RUVBL1: variants seen among roughly 807,000 people sequenced by gnomAD.
RUVBL1 encodes the protein ruvB-like 1.
In RUVBL1, 4 loss-of-function variants were observed where a neutral mutation model predicts 52.4. The observed-to-expected ratio is 0.08, with a 90% CI of 0.04 to 0.17. The LOEUF is 0.17. Among genes scored for constraint, RUVBL1 ranks in the 10% least tolerant of loss-of-function variants. RUVBL1 has a pLI of 1.00. For missense variants in RUVBL1, 298 were observed against 572.8 expected (o/e 0.52, Z 4.90); for synonymous variants, 217 against 214.4 (o/e 1.01, Z -0.10).
At chr3:128,149,759 A>G (rs1944158601) in intron 1 of RUVBL1, among the ~76,000 whole-genome samples, 1 of 152,168 alleles carries the variant, frequency 6.6e-6, no homozygotes, top group Non-Finnish European at 1.5e-5. Flanking sequence ...ACACAACCAG[A>G]GCCCACACAA....
At chr3:128,141,963 T>G (rs1451181025) in intron 1 of RUVBL1, 2 of 152,252 alleles carry the variant, frequency 1.3e-5, no homozygotes, top group Non-Finnish European at 2.9e-5. Context: ...GTATATGTGC[T>G]GCTGAAGAGA....
exon 1 of RUVBL1, chr3:128,153,690 C>T: frequency 6.3e-7 from 1 of 1,590,634 alleles, no homozygotes; most frequent in Non-Finnish European, 8.5e-7. Context: ...TGCCGCTGCC[C>T]GCGCGCCTGC....
At chr3:128,152,177 T>A (rs914366881) in intron 1 of RUVBL1, among the ~76,000 whole-genome samples, 1 of 152,194 alleles carries the variant, frequency 6.6e-6, no homozygotes, top group Non-Finnish European at 1.5e-5. Context: ...GCTGACAACC[T>A]TTTTTGTGGT....
chr3:128,130,620 TTTATTTATGTATTTA>T (rs1559833177), intron 1 of RUVBL1, among the ~76,000 whole-genome samples: 8 of 61,510 alleles, frequency 1.3e-4, no homozygotes, highest in African/African-American at 5.0e-4. Context: ...AAAAATTTTA[TTTATTTATGTATTTA>T]TTTATTTATT....
At chr3:128,074,623 A>C (rs1942254383) in intron 9 of RUVBL1, among the ~76,000 whole-genome samples, 1 of 152,126 alleles carries the variant, frequency 6.6e-6, no homozygotes, top group Non-Finnish European at 1.5e-5. Context: ...CAGGTGGATC[A>C]CCTGAGGTCA....
chr3:128,066,843 A>G lies in RUVBL1; in HGVS notation c.940-1623T>C, dbSNP rs1481931989. The G allele has an allele frequency of 5.0e-6, 5 of 1,005,070 alleles. No homozygotes were observed. In the African/African-American group the frequency reaches 8.0e-5, roughly 16 times the overall value. 62.3% of individuals were successfully genotyped at this position (1,005,070 alleles called of 1,614,324 possible). ...GAACTGGGAGCCCCAGAACCAGCAC[A>G]CAGGATTTCCTCCCTTGTGGCCCAC... On this transcript the variant is annotated intron_variant, in intron 9 of 9. Coordinates refer to the RUVBL1 transcript ENST00000464873.
Position 128,080,905 on chromosome 3 carries a change from T to A in RUVBL1, c.*345A>T, listed in dbSNP as rs1576438232. 1 of 218,820 alleles carries A rather than the reference T, an allele frequency of 4.6e-6. No homozygotes were observed. The allele number at this position is 218,820 out of a possible 1,614,324, so 13.6% of individuals were successfully genotyped here. A position where few individuals can be genotyped will look rare whatever the true frequency, so the allele number is the denominator to read the frequency against. ...CACGTTAACAAGAAGGGAAACTGGG[T>A]ACAAGATACATGGGAACTCCCTATT... On this transcript the variant is annotated 3_prime_UTR_variant, in exon 11 of 11. Coordinates refer to ENST00000322623, the MANE Select transcript of RUVBL1 (RefSeq NM_003707.3).
At chr3:128,148,357 G>C (rs1357558796) in intron 1 of RUVBL1, among the ~76,000 whole-genome samples, 1 of 152,318 alleles carries the variant, frequency 6.6e-6, no homozygotes, top group East Asian at 1.9e-4. Flanking sequence ...TGGATGTGGT[G>C]TATGAAAGAA....
chr3:128,145,403 TAA>T (rs1435794668), intron 1 of RUVBL1, among the ~76,000 whole-genome samples: 1 of 152,196 alleles, frequency 6.6e-6, no homozygotes, highest in Non-Finnish European at 1.5e-5. Context: ...CTTTTTTGCT[TAA>T]GTCAGTTTCA....
chr3:128,084,133 C>T (rs1942565064), intron 9 of RUVBL1: 1 of 152,372 alleles, frequency 6.6e-6, no homozygotes, highest in African/African-American at 2.4e-5. Context: ...GCAACTTGTT[C>T]AAACATTTCA....
chr3:128,069,359 A>G (rs1158766601), intron 9 of RUVBL1: 2 of 948,804 alleles, frequency 2.1e-6, no homozygotes, highest in Non-Finnish European at 3.2e-6. Flanking sequence ...ACTTTCTAGG[A>G]GACAGCAGAG....
chr3:128,074,787 A>C (rs1376640194), intron 9 of RUVBL1, among the ~76,000 whole-genome samples: 4 of 147,664 alleles, frequency 2.7e-5, no homozygotes, highest in Non-Finnish European at 6.0e-5. Flanking sequence ...GGTTGCAGTA[A>C]GCTGAGATGG....
exon 1 of RUVBL1, chr3:128,153,605 C>T: frequency 1.9e-6 from 3 of 1,594,012 alleles, no homozygotes; most frequent in Non-Finnish European, 1.7e-6. Flanking sequence ...ACAGCCTCCA[C>T]CGCCGCCTTT....
intron 1 of RUVBL1, among the ~76,000 whole-genome samples, chr3:128,146,036 G>C (rs1944098746): frequency 6.6e-6 from 1 of 152,144 alleles, no homozygotes; most frequent in African/African-American, 2.4e-5. Context: ...GGAGAAACTG[G>C]AGCAGGATAA....
At chr3:128,111,219 C>CA (rs11289688) in intron 3 of RUVBL1, among the ~76,000 whole-genome samples, 1,745 of 128,592 alleles carry the variant, frequency 0.014, 11 homozygotes, top group Middle Eastern at 0.047. Flanking sequence ...GACTCTCTCT[C>CA]AAAAAAAAAA....
chr3:128,119,541 G>C, intron 1 of RUVBL1, 127 bp from the exon 2 acceptor site: 1 of 691,766 alleles, frequency 1.4e-6, no homozygotes, highest in Middle Eastern at 2.5e-4. Context: ...GTGCACTGCA[G>C]TCACTGTTCT....
chr3:128,109,346 G>C (rs998774098), intron 3 of RUVBL1, among the ~76,000 whole-genome samples: 6 of 152,120 alleles, frequency 3.9e-5, no homozygotes, highest in Non-Finnish European at 8.8e-5. Context: ...AGGAGTTCGA[G>C]ACCACCTGGG....
intron 9 of RUVBL1, chr3:128,075,245 G>A (rs1354589885): frequency 1.3e-5 from 2 of 152,244 alleles, no homozygotes; most frequent in Non-Finnish European, 2.9e-5. Flanking sequence ...AGGCTGAGAG[G>A]CGATTGCCTG....
intron 8 of RUVBL1, among the ~76,000 whole-genome samples, chr3:128,089,498 C>A (rs1942764068): frequency 6.6e-6 from 1 of 152,194 alleles, no homozygotes; most frequent in African/African-American, 2.4e-5. Flanking sequence ...TTGTTAGTAT[C>A]TGAATATTTG....
Sources: allele counts gnomAD v4.1 joint callset (sites outside exome capture counted in the v4.1 genomes callset), GRCh38; gene constraint gnomAD v4.1.1; transcripts MANE v1.5; gene names NCBI Gene and HGNC (gene_info 2026-07-23, HGNC 2026-07-21).